Variants in HRNR observed in about 807,000 individuals in gnomAD.
HRNR encodes filaggrin family member 3.
In HRNR, 7 loss-of-function variants were observed where a neutral mutation model predicts 4.8. The ratio of observed to expected loss-of-function variants is 1.47; its 90% CI spans 0.83 to 2.75. The LOEUF is 2.75. Among genes scored for constraint, HRNR ranks in the 30% most tolerant of loss-of-function variants. The pLI, the probability that HRNR is intolerant of heterozygous loss-of-function variation, is 0.00. For missense variants in HRNR, 2,879 were observed against 3,010.4 expected (o/e 0.96, Z 1.02); for synonymous variants, 1,023 against 1,242.7 (o/e 0.82, Z 3.72).
chr1:152,220,623 C>A lies in HRNR; in HGVS notation c.1006G>T (p.Gly336Cys). The A allele has an allele frequency of 6.2e-7, 1 of 1,612,304 alleles. No homozygotes were observed. Among genetic ancestry groups the A allele is most frequent in the South Asian group, 1.1e-5 (1 of 90,894 alleles). The change falls in exon 3 of 3, where the codon GGC becomes TGC. Residue 336 changes from glycine (G) to cysteine (C), a missense_variant. Gly to Cys is a radical substitution (Grantham distance 159). This residue lies in a region of HRNR where 2,646 missense variants were observed against 1,377.7 expected (regional missense o/e 1.92). Coordinates refer to ENST00000368801, the MANE Select transcript of HRNR (RefSeq NM_001009931.3). ...TGGCCTGAGCCAGACTCATAATGGC[C>A]ACGGCTGTAAGAGTAACTTGAGCCA... The part of the protein sequence containing the change: ...GSGSSYSYSR[G>C]HYESGSGQTS...
Position 152,222,467 on chromosome 1 carries a change from A to G in HRNR, c.138+649T>C, listed in dbSNP as rs555991153. ...GGACTAATAATAGTGATGAAGAGAA[A>G]TGGGTTGTTTTGAGAGATTATTGAT... On this transcript the variant is annotated intron_variant, in intron 2 of 2. Transcript: ENST00000368801. 5.9e-4 allele frequency among the ~76,000 whole-genome samples: 90 copies of G among 152,244 alleles called. 1 individual carries two copies. The highest frequency in any genetic ancestry group is 1.6e-3 in the Admixed American group (24 of 15,286).
chr1:152,218,683 G>T lies in HRNR; in HGVS notation c.2946C>A (p.Ser982Arg), dbSNP rs376727927. 285 of 1,613,978 alleles carry T rather than the reference G, an allele frequency of 1.8e-4. 4 individuals carry two copies. In the Middle Eastern group the frequency reaches 2.6e-3, roughly 15 times the overall value. ...GGGAGCCAGACCCATGCTGACCATA[G>T]CTGGAAGACGAACCTGAGCTAGATC... Reference protein sequence around the residue: ...QHGSSSGSSSSYGQHGSGSRQ... With the variant: ...QHGSSSGSSSRYGQHGSGSRQ... The change falls in exon 3 of 3, where the codon AGC (serine) becomes AGA (arginine). Residue 982 changes from serine (S) to arginine (R), a missense_variant. Ser to Arg is a moderately radical substitution (Grantham distance 110). Coordinates refer to ENST00000368801, the MANE Select transcript of HRNR (RefSeq NM_001009931.3).
rs143206493 is a variant in HRNR, at chr1:152,220,757, C to G, written c.872G>C (p.Arg291Pro). ...SSYGQHGSGS[R>P]QSLGHGRQGS... ...TTGTCGGCCGTGGCCCAAAGACTGA[C>G]GGGAACCAGACCCATGCTGACCATA... The change falls in exon 3 of 3, where the codon CGT becomes CCT. Residue 291 changes from arginine to proline, a missense_variant. Transcript: ENST00000368801. The G allele has an allele frequency of 1.2e-6, 2 of 1,614,008 alleles. No homozygotes were observed. Among genetic ancestry groups the G allele is most frequent in the Non-Finnish European group, 1.7e-6 (2 of 1,180,032 alleles).
chr1:152,219,540 G>T lies in HRNR; in HGVS notation c.2089C>A (p.Gln697Lys). 6.2e-7 allele frequency: 1 copy of T among 1,613,736 alleles called. No individual in the cohort carries two copies. Among genetic ancestry groups the T allele is most frequent in the Non-Finnish European group, 8.5e-7 (1 of 1,179,958 alleles). The change falls in exon 3 of 3, where the codon CAG (glutamine) becomes AAG (lysine). Residue 697 changes from glutamine to lysine, a missense_variant. Physicochemically the swap from Gln to Lys is moderately conservative, Grantham distance 53 (BLOSUM62 1). Coordinates refer to ENST00000368801, the MANE Select transcript of HRNR (RefSeq NM_001009931.3). ...SNGPHGSVSG[Q>K]SSGFGHKSGS... ...GACTTGTGACCAAAGCCGGAAGACT[G>T]GCCTGAGACAGACCCATGTGGGCCA...
rs762770829 is a variant in HRNR at position 152,219,034 on chromosome 1, G to T, written c.2595C>A (p.Ser865=). 4.3e-6 allele frequency: 7 copies of T among 1,613,908 alleles called. No homozygotes were observed. The highest frequency in any genetic ancestry group is 4.5e-5 in the East Asian group (2 of 44,878). ...AGGCAGACTCATGCTGACCATAGCT[G>T]GAAGATTGACCTGAGCTAGAGTCAT... The part of the protein sequence containing the change: ...GQHDSSSGQS[S]SYGQHESASH... The change falls in exon 3 of 3, where the codon TCC becomes TCA. Residue 865 remains serine (S), a synonymous_variant. Coordinates refer to ENST00000368801, the MANE Select transcript of HRNR (RefSeq NM_001009931.3).
Position 152,219,100 on chromosome 1 carries a change from T to C in HRNR, c.2529A>G (p.Arg843=). The C allele has an allele frequency of 6.2e-7, 1 of 1,613,736 alleles. No individual in the cohort carries two copies. Among genetic ancestry groups the C allele is most frequent in the Non-Finnish European group, 8.5e-7 (1 of 1,179,956 alleles). The change falls in exon 3 of 3, where the codon CGA becomes CGG. Residue 843 remains arginine (R), a synonymous_variant. Coordinates refer to ENST00000368801, the MANE Select transcript of HRNR (RefSeq NM_001009931.3). ...SASGHFSSQG[R]HGSTSGQSSS... is the part of the protein sequence containing the mutation. ...ATGACTGCCCTGACGTAGATCCATG[T>C]CGTCCCTGGCTAGAGAAGTGACCTG...
Position 152,218,983 on chromosome 1 carries a change from T to G in HRNR, c.2646A>C (p.Arg882=), listed in dbSNP as rs759516939. The G allele has an allele frequency of 3.7e-6, 6 of 1,608,532 alleles. No homozygotes were observed. The African/African-American group carries it at 6.7e-5, about 18-fold the overall frequency. Reference sequence around the variant, plus strand: ...GAGACTGGCCAGATCCAGAGCCATGTCGGCCGCGGCCCGAAGCGTGATGGG... The same window carrying G: ...GAGACTGGCCAGATCCAGAGCCATGGCGGCCGCGGCCCGAAGCGTGATGGG... The part of the protein sequence containing the change: ...SASHHASGRG[R]HGSGSGQSPG... Residue 882 remains arginine, a synonymous_variant, in exon 3 of 3, where the codon CGA becomes CGC. Transcript: ENST00000368801.
Position 152,221,092 on chromosome 1 carries a change from A to G in HRNR, c.537T>C (p.Tyr179=), listed in dbSNP as rs900168993. The part of the protein sequence containing the change: ...HNSYSGQSSS[Y]GEQNSDSHQS... ...GATGGGAGTCGGAGTTTTGCTCACC[A>G]TAGCTGGAAGACTGACCTGAGTAGG... is the stretch of plus-strand genomic sequence containing the variant. Residue 179 remains tyrosine (Y), a synonymous_variant, in exon 3 of 3, where the codon TAT becomes TAC. Transcript: ENST00000368801. 5 of 1,613,472 alleles carry G rather than the reference A, an allele frequency of 3.1e-6. No homozygotes were observed. Among genetic ancestry groups the G allele is most frequent in the Non-Finnish European group, 2.5e-6 (3 of 1,179,622 alleles).
Position 152,219,681 on chromosome 1 carries a change from C to A in HRNR, c.1948G>T (p.Gly650Cys). 2 of 1,613,212 alleles carry A rather than the reference C, an allele frequency of 1.2e-6. No individual in the cohort carries two copies. The highest frequency in any genetic ancestry group is 1.7e-6 in the Non-Finnish European group (2 of 1,179,520). The part of the protein sequence containing the change: ...GSGSSQSSRY[G>C]QQGSGSGQSP... ...TGGCCAGATCCAGAGCCCTGTTGGC[C>A]ATAGCGAGAAGACTGACTTGAGCCA... The change falls in exon 3 of 3, where the codon GGC (glycine) becomes TGC (cysteine). Residue 650 changes from glycine (G) to cysteine (C), a missense_variant. Transcript: ENST00000368801.
rs753018220 is a variant in HRNR at position 152,220,277 on chromosome 1, C to T, written c.1352G>A (p.Ser451Asn). 1 of 1,613,908 alleles carries T rather than the reference C, an allele frequency of 6.2e-7. No homozygotes were observed. Among genetic ancestry groups the T allele is most frequent in the African/African-American group, 1.3e-5 (1 of 74,858 alleles). Residue 451 changes from serine to asparagine, a missense_variant, in exon 3 of 3, where the codon AGC becomes AAC. By Grantham distance (46) the Ser-to-Asn change is conservative (BLOSUM62 1). This residue lies in a region of HRNR where 2,646 missense variants were observed against 1,377.7 expected (regional missense o/e 1.92). Coordinates refer to ENST00000368801, the MANE Select transcript of HRNR (RefSeq NM_001009931.3). ...QHGTGFGRSSSSGPYVSGSGY... is the reference protein window; with the variant it reads ...QHGTGFGRSSNSGPYVSGSGY... ...TGAACCAGACACATATGGGCCACTG[C>T]TGGAAGATCGACCAAAGCCAGTCCC...
At position 152,213,323 on chromosome 1, in the gene HRNR, G is replaced by C. The variant is rs190396444; in HGVS notation, c.8306C>G (p.Ser2769Cys). 1 of 792,460 alleles carries C rather than the reference G, an allele frequency of 1.3e-6. No individual in the cohort carries two copies. The highest frequency in any genetic ancestry group is 2.4e-5 in the East Asian group (1 of 41,128). 49.1% of individuals were successfully genotyped at this position (792,460 alleles called of 1,614,324 possible). ...YGRHGAGSGQ[S>C]LSHGRHGSGS... ...AGACCCGTGTCGGCCGTGGCTAAGA[G>C]ACTGGCCAGATCCAGCCCCATGTCG... The change falls in exon 3 of 3, where the codon TCT (serine) becomes TGT (cysteine). Residue 2769 changes from serine (S) to cysteine (C), a missense_variant. Physicochemically the swap from Ser to Cys is moderately radical, Grantham distance 112. Around this residue, in one of 8 missense-constraint regions of HRNR, gnomAD observed 158 missense variants for 107.6 expected, o/e 1.47. Transcript: ENST00000368801.
chr1:152,222,056 C>T (rs1649022279), intron 2 of HRNR, among the ~76,000 whole-genome samples: 1 of 151,914 alleles, frequency 6.6e-6, no homozygotes, highest in South Asian at 2.1e-4. Flanking sequence ...ATTGGGGGTC[C>T]TAGAAAGGTT....
chr1:152,219,826 T>C lies in HRNR; in HGVS notation c.1803A>G (p.Gly601=). Residue 601 remains glycine, a synonymous_variant, in exon 3 of 3, where the codon GGA becomes GGG. Coordinates refer to ENST00000368801, the MANE Select transcript of HRNR (RefSeq NM_001009931.3). The part of the protein sequence containing the change: ...SGQSSGYGQH[G]SSSGHSSTHG... ...GGGTAGAGGAATGACCCGAGCTAGATCCGTGTTGACCGTAGCCAGAGGACT... is the reference window on the plus strand; with the variant it reads ...GGGTAGAGGAATGACCCGAGCTAGACCCGTGTTGACCGTAGCCAGAGGACT... The C allele has an allele frequency of 3.1e-6, 5 of 1,611,920 alleles. No homozygotes were observed. The highest frequency in any genetic ancestry group is 4.2e-6 in the Non-Finnish European group (5 of 1,178,684).
chr1:152,223,419 T>G, intron 1 of HRNR, 141 bp from the exon 2 acceptor site: 1 of 585,190 alleles, frequency 1.7e-6, no homozygotes. Flanking sequence ...CAAGAACCAA[T>G]TCAGAGTTGA....
Position 152,221,064 on chromosome 1 carries a change from A to C in HRNR, c.565T>G (p.Ser189Ala). Residue 189 changes from serine (S) to alanine (A), a missense_variant, in exon 3 of 3, where the codon TCT (serine) becomes GCT (alanine). Coordinates refer to ENST00000368801, the MANE Select transcript of HRNR (RefSeq NM_001009931.3). ...YGEQNSDSHQ[S>A]SGRGQCGSGS... ...GACCCACATTGGCCGCGGCCTGAAG[A>C]CTGATGGGAGTCGGAGTTTTGCTCA... 2.5e-6 allele frequency: 4 copies of C among 1,613,390 alleles called. No individual in the cohort carries two copies. The highest frequency in any genetic ancestry group is 3.4e-6 in the Non-Finnish European group (4 of 1,179,462).
chr1:152,218,730 A>G lies in HRNR; in HGVS notation c.2899T>C (p.Ser967Pro), dbSNP rs200674313. ...YEQHGSRSGQ[S>P]SRSEQHGSSS... ...GATCCATGTTGTTCGCTCCTAGATGACTGTCCTGACCTAGAGCCGTGTTGT... is the reference window on the plus strand; with the variant it reads ...GATCCATGTTGTTCGCTCCTAGATGGCTGTCCTGACCTAGAGCCGTGTTGT... Residue 967 changes from serine to proline, a missense_variant, in exon 3 of 3, where the codon TCA (serine) becomes CCA (proline). Around this residue, in one of 8 missense-constraint regions of HRNR, gnomAD observed 2,646 missense variants for 1,377.7 expected, o/e 1.92. Coordinates refer to ENST00000368801, the MANE Select transcript of HRNR (RefSeq NM_001009931.3). 1.8e-4 allele frequency: 289 copies of G among 1,613,754 alleles called. 7 individuals carry two copies. In the East Asian group the frequency reaches 6.0e-3, roughly 34 times the overall value.
Position 152,219,509 on chromosome 1 carries a change from G to A in HRNR, c.2120C>T (p.Ser707Leu). 1.9e-6 allele frequency: 3 copies of A among 1,613,932 alleles called. No homozygotes were observed. ...QSSGFGHKSG[S>L]GQSSGYSQHG... ...CTGACTGTAACCAGAGGACTGCCCT[G>A]AGCCAGACTTGTGACCAAAGCCGGA... Residue 707 changes from serine (S) to leucine (L), a missense_variant, in exon 3 of 3, where the codon TCA (serine) becomes TTA (leucine). This residue lies in a region of HRNR where 2,646 missense variants were observed against 1,377.7 expected (regional missense o/e 1.92). Coordinates refer to ENST00000368801, the MANE Select transcript of HRNR (RefSeq NM_001009931.3).
In HRNR at chr1:152,219,862, A is replaced by G. The variant is rs1318155118; in HGVS notation, c.1767T>C (p.Ser589=). Reference sequence around the variant, plus strand: ...CGTAGCCAGAGGACTGTCCTGAGCGAGACTCTTGGTGACCTAAGCCAGAAG... The same window carrying G: ...CGTAGCCAGAGGACTGTCCTGAGCGGGACTCTTGGTGACCTAAGCCAGAAG... ...GHSSGLGHQE[S]RSGQSSGYGQ... The change falls in exon 3 of 3, where the codon TCT becomes TCC. Residue 589 remains serine, a synonymous_variant. Coordinates refer to ENST00000368801, the MANE Select transcript of HRNR (RefSeq NM_001009931.3). 1 of 1,613,786 alleles carries G rather than the reference A, an allele frequency of 6.2e-7. No homozygotes were observed. Among genetic ancestry groups the G allele is most frequent in the Non-Finnish European group, 8.5e-7 (1 of 1,179,992 alleles).
rs945743277 is a variant in HRNR at position 152,218,964 on chromosome 1, G to T, written c.2665C>A (p.Gln889Lys). The T allele has an allele frequency of 1.9e-6, 3 of 1,613,786 alleles. No homozygotes were observed. Among genetic ancestry groups the T allele is most frequent in the Non-Finnish European group, 8.5e-7 (1 of 1,179,964 alleles). ...GRGRHGSGSG[Q>K]SPGHGQRGSG... is the part of the protein sequence containing the mutation. ...CCACGCTGGCCGTGGCCTGGAGACT[G>T]GCCAGATCCAGAGCCATGTCGGCCG... is the stretch of plus-strand genomic sequence containing the variant. The change falls in exon 3 of 3, where the codon CAG becomes AAG. Residue 889 changes from glutamine to lysine, a missense_variant. By Grantham distance (53) the Gln-to-Lys change is moderately conservative. Around this residue, in one of 8 missense-constraint regions of HRNR, gnomAD observed 2,646 missense variants for 1,377.7 expected, o/e 1.92. Transcript: ENST00000368801.
Sources: allele counts gnomAD v4.1 joint callset (sites outside exome capture counted in the v4.1 genomes callset), GRCh38; gene constraint gnomAD v4.1.1; regional missense constraint gnomAD v4.1.1; transcripts MANE v1.5; gene names NCBI Gene and HGNC (gene_info 2026-07-23, HGNC 2026-07-21).